Variants in CEP131 observed in about 807,000 individuals in gnomAD.
CEP131 encodes the protein centrosomal protein 131, also known as centrosomal protein of 131 kDa.
Under a neutral mutation model 136.8 loss-of-function variants are expected in CEP131, and 99 were observed. The observed-to-expected ratio is 0.72, with a 90% confidence interval of 0.62 to 0.86. The LOEUF (loss-of-function observed/expected upper bound fraction) is 0.86. CEP131 is among the 40% of genes least tolerant of loss of function. The probability of loss-of-function intolerance (pLI) is 0.00; values close to 1 mark genes in which losing one functional copy is unlikely to be tolerated. For missense variants in CEP131, 1,459 were observed against 1,463.0 expected (o/e 1.00, Z 0.04); for synonymous variants, 646 against 612.7 (o/e 1.05, Z -0.80).
chr17:81,204,753 G>A (rs990923764), intron 5 of CEP131, among the ~76,000 whole-genome samples: 2 of 151,278 alleles, frequency 1.3e-5, no homozygotes, highest in South Asian at 4.2e-4. Flanking sequence ...CACCTGCACC[G>A]GACCACACCT....
intron 5 of CEP131, among the ~76,000 whole-genome samples, chr17:81,204,776 A>G (rs1170690780): frequency 6.6e-6 from 1 of 151,860 alleles, no homozygotes; most frequent in Non-Finnish European, 1.5e-5. Flanking sequence ...ACCGGACCGC[A>G]CCAGGCACCA....
At chr17:81,194,742 T>C (rs2061717086) in intron 17 of CEP131, 128 bp downstream of exon 17, 1 of 834,586 alleles carries the variant, frequency 1.2e-6, no homozygotes, top group South Asian at 1.4e-5. Context: ...GGTTGGGGCA[T>C]GAGTGTTCAC....
At chr17:81,221,904 C>CT (rs2062397189) in intron 1 of CEP131, among the ~76,000 whole-genome samples, 2 of 152,190 alleles carry the variant, frequency 1.3e-5, no homozygotes, top group South Asian at 4.1e-4. Context: ...CCTGGGCTTC[C>CT]TTCAGCCCGG....
chr17:81,201,873 G>A (rs1598292005), intron 7 of CEP131, among the ~76,000 whole-genome samples: 2 of 152,104 alleles, frequency 1.3e-5, no homozygotes, highest in African/African-American at 2.4e-5. Context: ...AGGCGGAGGC[G>A]GGCGGATCAC....
intron 19 of CEP131, 70 bp downstream of exon 19, chr17:81,192,666 G>A (rs1402283833): frequency 1.5e-6 from 2 of 1,365,364 alleles, no homozygotes; most frequent in Non-Finnish European, 2.0e-6. Flanking sequence ...GTCAGCGGGT[G>A]AGGGGGCGGG....
rs985020360 is a variant in CEP131 at position 81,208,866 on chromosome 17, C to T, written c.272+62G>A. The T allele has an allele frequency of 3.8e-6, 5 of 1,303,994 alleles. No homozygotes were observed. The highest frequency in any genetic ancestry group is 1.2e-5 in the South Asian group (1 of 82,490). 80.8% of individuals were successfully genotyped at this position (1,303,994 alleles called of 1,614,324 possible). ...AGAGCAGAGGCAGGGAGGAGCAGGCCAGGGTGGGGCACCTGAGGTCCCGGG... is the reference window on the plus strand; with the variant it reads ...AGAGCAGAGGCAGGGAGGAGCAGGCTAGGGTGGGGCACCTGAGGTCCCGGG... On this transcript the variant is annotated intron_variant, in intron 3 of 25. Transcript: ENST00000450824. This position sits in a 1 kb window ranked among gnomAD's most constrained non-coding sequence, Gnocchi z 5.6.
In CEP131 at chr17:81,198,401, C is replaced by T. The variant is rs1010128031; in HGVS notation, c.1288-104G>A. 7.5e-6 allele frequency: 9 copies of T among 1,208,052 alleles called. No homozygotes were observed. The African/African-American group carries it at 1.4e-4, about 19-fold the overall frequency. The allele number at this position is 1,208,052 out of a possible 1,614,324, so 74.8% of individuals were successfully genotyped here. A position where few individuals can be genotyped will look rare whatever the true frequency, so the allele number is the denominator to read the frequency against. On this transcript the variant is annotated intron_variant, in intron 11 of 25. Coordinates refer to ENST00000450824, the MANE Select transcript of CEP131 (RefSeq NM_014984.4). ...AGCCCCAAAGGCGCCGCGGGAGCTC[C>T]CCAGTCCCGACATTCAGCCCCAGGA...
chr17:81,198,363 A>T, intron 11 of CEP131, 66 bp from the exon 12 acceptor site: 2 of 1,475,332 alleles, frequency 1.4e-6, no homozygotes, highest in Admixed American at 2.3e-5. Context: ...CCCACATAGG[A>T]GGCCAACCGC....
At position 81,195,083 on chromosome 17, in the gene CEP131, C is replaced by A. The variant is rs922183004; in HGVS notation, c.2017-111G>T. On this transcript the variant is annotated intron_variant, in intron 16 of 25. Transcript: ENST00000450824. ...TCCAGGTCCACCAGCACAAGGCCGG[C>A]ACTCATGGTTGGGTGTGCTGCCCCG... 27 of 802,218 alleles carry A rather than the reference C, an allele frequency of 3.4e-5. 1 individual carries two copies. In the South Asian group the frequency reaches 4.2e-4, roughly 12 times the overall value. 49.7% of individuals were successfully genotyped at this position (802,218 alleles called of 1,614,324 possible).
chr17:81,192,209 A>T, intron 21 of CEP131, 109 bp downstream of exon 21: 1 of 999,156 alleles, frequency 1.0e-6, no homozygotes, highest in Non-Finnish European at 1.5e-6. Context: ...CCCAGAAACG[A>T]GCCCCCAGGA....
chr17:81,220,155 A>G, intron 1 of CEP131, 82 bp from the exon 2 acceptor site: 2 of 1,216,112 alleles, frequency 1.6e-6, no homozygotes, highest in Non-Finnish European at 2.1e-6. Flanking sequence ...GCCCAGCCTC[A>G]GCTGGGTCCA....
Position 81,189,860 on chromosome 17 carries a change from G to A in CEP131, c.3169-17C>T. Reference sequence around the variant, plus strand: ...CACCGCAGCCTGCAGCACACCCACAGGGTCAGGCCTGCTCCCAGCCCCGAG... The same window carrying A: ...CACCGCAGCCTGCAGCACACCCACAAGGTCAGGCCTGCTCCCAGCCCCGAG... On this transcript the variant is annotated splice_polypyrimidine_tract_variant and intron_variant, in intron 25 of 25. Coordinates refer to ENST00000450824, the MANE Select transcript of CEP131 (RefSeq NM_014984.4). The A allele has an allele frequency of 6.2e-7, 1 of 1,612,402 alleles. No homozygotes were observed. Among genetic ancestry groups the A allele is most frequent in the African/African-American group, 1.3e-5 (1 of 75,054 alleles).
At position 81,220,015 on chromosome 17, in the gene CEP131, G is replaced by C; in HGVS notation, c.42C>G (p.Ser14Arg). The C allele has an allele frequency of 6.2e-7, 1 of 1,608,098 alleles. No individual in the cohort carries two copies. The highest frequency in any genetic ancestry group is 1.1e-5 in the South Asian group (1 of 90,456). ...TCAGACTCAGGTCCACACCTGCTGGGCTGCGCTCCGGGACGCTGCCGATGG... is the reference window on the plus strand; with the variant it reads ...TCAGACTCAGGTCCACACCTGCTGGCCTGCGCTCCGGGACGCTGCCGATGG... ...TRAIGSVPER[S>R]PAGVDLSLTG... The change falls in exon 2 of 26, where the codon AGC (serine) becomes AGG (arginine). Residue 14 changes from serine to arginine, a missense_variant. Ser to Arg is a moderately radical substitution (Grantham distance 110, BLOSUM62 -1). Coordinates refer to ENST00000450824, the MANE Select transcript of CEP131 (RefSeq NM_014984.4).
chr17:81,203,408 A>G lies in CEP131; in HGVS notation c.629+86T>C. On this transcript the variant is annotated intron_variant, in intron 6 of 25. Transcript: ENST00000450824. This position sits in a 1 kb window ranked among gnomAD's most constrained non-coding sequence, Gnocchi z 4.6. ...CTGTGTGAACTGACCGCGTGCCCTG[A>G]CCGAGGTCGGACCCCAGGTGCACTG... The G allele has an allele frequency of 2.7e-6, 3 of 1,101,974 alleles. No homozygotes were observed. The highest frequency in any genetic ancestry group is 4.0e-6 in the Non-Finnish European group (3 of 758,764). The allele number at this position is 1,101,974 out of a possible 1,614,324, so 68.3% of individuals were successfully genotyped here.
chr17:81,220,289 G>A (rs1472167907), intron 1 of CEP131, among the ~76,000 whole-genome samples: 3 of 152,180 alleles, frequency 2.0e-5, no homozygotes, highest in Non-Finnish European at 4.4e-5. Context: ...GCCAGGGCAG[G>A]AGGGCCCTGG....
rs115876206 is a variant in CEP131 at position 81,197,250 on chromosome 17, C to T, written c.1648-195G>A. The T allele has an allele frequency of 1.2e-3, 786 of 668,442 alleles. 1 individual carries two copies. In the African/African-American group the frequency reaches 0.013, roughly 11 times the overall value. 41.4% of individuals were successfully genotyped at this position (668,442 alleles called of 1,614,324 possible). A position where few individuals can be genotyped will look rare whatever the true frequency, so the allele number is the denominator to read the frequency against. On this transcript the variant is annotated intron_variant, in intron 13 of 25. Coordinates refer to ENST00000450824, the MANE Select transcript of CEP131 (RefSeq NM_014984.4). Reference sequence around the variant, plus strand: ...CATTGCTCAGTACAGGAAATGGGGGCCGTGGCCTCAGGAATAAAAAACAAA... The same window carrying T: ...CATTGCTCAGTACAGGAAATGGGGGTCGTGGCCTCAGGAATAAAAAACAAA...
At position 81,189,821 on chromosome 17, in the gene CEP131, T is replaced by C. The variant is rs757975822; in HGVS notation, c.3191A>G (p.His1064Arg). 1 of 1,611,598 alleles carries C rather than the reference T, an allele frequency of 6.2e-7. No homozygotes were observed. The highest frequency in any genetic ancestry group is 8.5e-7 in the Non-Finnish European group (1 of 1,179,430). Residue 1064 changes from histidine (H) to arginine (R), a missense_variant, in exon 26 of 26, where the codon CAC becomes CGC. Physicochemically the swap from His to Arg is conservative, Grantham distance 29. Coordinates refer to ENST00000450824, the MANE Select transcript of CEP131 (RefSeq NM_014984.4). ...GTGCTGCTCCAGCAGCTCCTCCAGG[T>C]GGTCGGCCCGCTTCACCGCAGCCTG... is the stretch of plus-strand genomic sequence containing the variant. ...QHEAAVKRADHLEELLEQHRR... is the reference protein window; with the variant it reads ...QHEAAVKRADRLEELLEQHRR...
rs543186470 is a variant in CEP131 at position 81,215,168 on chromosome 17, A to C, written c.177+4712T>G. ...GAGAGCAGTGGCATGATCATAGCTC[A>C]CTGCAGCCTCAAACTTTCTGGGTTC... On this transcript the variant is annotated intron_variant, in intron 2 of 25. Transcript: ENST00000450824. The surrounding 1 kb of genome is among the most constrained non-coding windows in gnomAD (Gnocchi z 4.1). 1.2e-3 allele frequency among the ~76,000 whole-genome samples: 186 copies of C among 151,808 alleles called. No homozygotes were observed. Among genetic ancestry groups the C allele is most frequent in the African/African-American group, 4.1e-3 (168 of 41,356 alleles).
rs771409290 is a variant in CEP131 at position 81,192,331 on chromosome 17, C to T, written c.2609G>A (p.Arg870His). 5 of 1,558,670 alleles carry T rather than the reference C, an allele frequency of 3.2e-6. No individual in the cohort carries two copies. The highest frequency in any genetic ancestry group is 2.1e-4 in the Middle Eastern group (1 of 4,714). Residue 870 changes from arginine (R) to histidine (H), a missense_variant, in exon 21 of 26, where the codon CGC becomes CAC. Around this residue, in one of 3 missense-constraint regions of CEP131, gnomAD observed 1,026 missense variants for 964.2 expected, o/e 1.06. Transcript: ENST00000450824. ...CCAGGCCCCCACCTCCTTCCTGGTG[C>T]GGCCGGCCTCCCACGCCTGCCTCTC... ...ELERQAWEAGRTRKEEAWLLN... is the reference protein window; with the variant it reads ...ELERQAWEAGHTRKEEAWLLN...
Sources: gnomAD v4.1 joint callset for allele counts (sites outside exome capture counted in the v4.1 genomes callset) on GRCh38, gnomAD v4.1.1 for gene constraint, gnomAD v4.1.1 regional missense constraint, Gnocchi (gnomAD v3.1) non-coding constraint, MANE v1.5 for transcripts, NCBI Gene and HGNC (gene_info 2026-07-23, HGNC 2026-07-21) for gene names.